Variants in CADM1 observed in about 807,000 individuals in gnomAD.
The protein encoded by CADM1 is TSLC-1.
CADM1 carries 15 observed loss-of-function variants against 53.1 expected under a neutral mutation model. That is an observed-to-expected ratio of 0.28 (90% CI 0.19 to 0.44). The LOEUF is 0.44. Among genes scored for constraint, CADM1 ranks in the 20% least tolerant of loss-of-function variants. CADM1 has a pLI of 1.00. For synonymous variants in CADM1, 281 were observed against 243.0 expected (o/e 1.16, Z -1.45); for missense variants, 434 against 611.3 (o/e 0.71, Z 3.06).
intron 1 of CADM1, among the ~76,000 whole-genome samples, chr11:115,419,150 G>GT (rs776439686): frequency 1.8e-4 from 27 of 152,166 alleles, no homozygotes; most frequent in Non-Finnish European, 1.2e-4. Flanking sequence ...CCACTTAGAA[G>GT]TTTTTATACT....
intron 1 of CADM1, among the ~76,000 whole-genome samples, chr11:115,250,182 C>A (rs1472016014): frequency 6.6e-6 from 1 of 152,208 alleles, no homozygotes; most frequent in Non-Finnish European, 1.5e-5. Flanking sequence ...GGATTACAAG[C>A]ATGAGCCACT....
At chr11:115,216,799 A>AACCAACCCCCTTT (rs1941205568) in intron 6 of CADM1, among the ~76,000 whole-genome samples, 1 of 152,174 alleles carries the variant, frequency 6.6e-6, no homozygotes, top group African/African-American at 2.4e-5. Flanking sequence ...CAGCAGGCAG[A>AACCAACCCCCTTT]GCCCCCTTTG....
chr11:115,252,116 G>A (rs911474969), intron 1 of CADM1, among the ~76,000 whole-genome samples: 2 of 152,156 alleles, frequency 1.3e-5, no homozygotes, highest in Admixed American at 6.5e-5. Context: ...TGAGACCATC[G>A]CACTTGGAAA....
chr11:115,472,278 T>G (rs1455931091), intron 1 of CADM1, among the ~76,000 whole-genome samples: 1 of 152,300 alleles, frequency 6.6e-6, no homozygotes, highest in East Asian at 1.9e-4. Context: ...GGAGGGAAAT[T>G]AAGTTTAACA....
At chr11:115,187,827 T>G (rs1361294219) in intron 10 of CADM1, among the ~76,000 whole-genome samples, 5 of 152,176 alleles carry the variant, frequency 3.3e-5, no homozygotes, top group African/African-American at 1.2e-4. Context: ...TCCTAACACC[T>G]AGATGAGGGT....
intron 1 of CADM1, among the ~76,000 whole-genome samples, chr11:115,244,042 C>A (rs771814289): frequency 2.6e-5 from 4 of 152,152 alleles, no homozygotes; most frequent in Non-Finnish European, 5.9e-5. Context: ...TTTGTATCAG[C>A]AACTATATTC....
Position 115,209,792 on chromosome 11 carries a change from C to T in CADM1, c.995-135G>A. On this transcript the variant is annotated intron_variant, in intron 7 of 11. Coordinates refer to ENST00000331581, the MANE Select transcript of CADM1 (RefSeq NM_001301043.2). ...CCCTTTAAAACCAAAAGTTCTTTCC[C>T]TGCAAGATTTATGTCTTGTAATTAT... The T allele has an allele frequency of 4.8e-6, 5 of 1,033,878 alleles. No individual in the cohort carries two copies. In the South Asian group the frequency reaches 6.2e-5, roughly 13 times the overall value. 64.0% of individuals were successfully genotyped at this position (1,033,878 alleles called of 1,614,324 possible). A position where few individuals can be genotyped will look rare whatever the true frequency, so the allele number is the denominator to read the frequency against.
chr11:115,204,330 C>T (rs1940578002), intron 8 of CADM1, among the ~76,000 whole-genome samples: 1 of 152,206 alleles, frequency 6.6e-6, no homozygotes, highest in Non-Finnish European at 1.5e-5. Flanking sequence ...GCATCTGCGG[C>T]ACCTTCTGCC....
At chr11:115,414,949 T>C (rs1443314787) in intron 1 of CADM1, among the ~76,000 whole-genome samples, 1 of 152,234 alleles carries the variant, frequency 6.6e-6, no homozygotes, top group Non-Finnish European at 1.5e-5. Context: ...TAGGTGACCT[T>C]TTCTAGGCAT....
chr11:115,503,539 C>T (rs1047780796), intron 1 of CADM1, among the ~76,000 whole-genome samples: 2 of 152,022 alleles, frequency 1.3e-5, no homozygotes, highest in Non-Finnish European at 2.9e-5. Context: ...GGCGCCTTCC[C>T]GCAGAGGCGG....
Position 115,340,656 on chromosome 11 carries a change from A to ATTT in CADM1, c.125-100237_125-100236insAAA, listed in dbSNP as rs1365807207. Among the ~76,000 whole-genome samples, 36 of 52,336 alleles carry ATTT rather than the reference A, an allele frequency of 6.9e-4. 1 individual carries two copies. The highest frequency in any genetic ancestry group is 1.6e-3 in the African/African-American group (17 of 10,450). 34.3% of individuals were successfully genotyped at this position (52,336 alleles called of 152,430 possible). On this transcript the variant is annotated intron_variant, in intron 1 of 11. Transcript: ENST00000331581. ...TATATATATATATATATATATATAT[A>ATTT]TATTTTTTTTTTTTTTTTTTTTGAG...
Position 115,355,081 on chromosome 11 carries a change from C to G in CADM1, c.125-114661G>C, listed in dbSNP as rs550463045. The stretch of plus-strand genomic sequence containing the variant: ...AAATTATCACTCTAAAAGCCTTCAG[C>G]ATTTTCAATCCAGAACACAAAGATA... On this transcript the variant is annotated intron_variant, in intron 1 of 11. Transcript: ENST00000331581. Among the ~76,000 whole-genome samples, 11 of 152,290 alleles carry G rather than the reference C, an allele frequency of 7.2e-5. No individual in the cohort carries two copies. In the East Asian group the frequency reaches 2.1e-3, roughly 29 times the overall value.
At chr11:115,406,083 GT>G (rs1947305346) in intron 1 of CADM1, among the ~76,000 whole-genome samples, 2 of 151,978 alleles carry the variant, frequency 1.3e-5, no homozygotes, top group African/African-American at 4.8e-5. Context: ...CTTAACTTTG[GT>G]TTCTTCAGTT....
chr11:115,298,118 G>A (rs1285136086), intron 1 of CADM1, among the ~76,000 whole-genome samples: 1 of 152,188 alleles, frequency 6.6e-6, no homozygotes, highest in Non-Finnish European at 1.5e-5. Context: ...AATTGTTGCC[G>A]TGAATAATCC....
chr11:115,224,320 T>C (rs1186052331), intron 5 of CADM1, among the ~76,000 whole-genome samples: 2 of 152,094 alleles, frequency 1.3e-5, no homozygotes, highest in Non-Finnish European at 2.9e-5. Context: ...CTCTGGACCT[T>C]GGATGAACAG....
chr11:115,370,791 A>C (rs923665297), intron 1 of CADM1, among the ~76,000 whole-genome samples: 1 of 152,202 alleles, frequency 6.6e-6, no homozygotes, highest in African/African-American at 2.4e-5. Context: ...TGATCCCTAT[A>C]TATTGACCTC....
At chr11:115,413,471 C>T (rs1476552543) in intron 1 of CADM1, among the ~76,000 whole-genome samples, 1 of 152,058 alleles carries the variant, frequency 6.6e-6, no homozygotes, top group Non-Finnish European at 1.5e-5. Context: ...GTTCTAGACA[C>T]TTTGTACATT....
chr11:115,223,617 C>T (rs1378913366), intron 5 of CADM1, among the ~76,000 whole-genome samples: 1 of 152,132 alleles, frequency 6.6e-6, no homozygotes, highest in Admixed American at 6.6e-5. Context: ...AAGGCAAAGG[C>T]TTTTCCCTTA....
At position 115,295,568 on chromosome 11, in the gene CADM1, C is replaced by T. The variant is rs1355095383; in HGVS notation, c.125-55148G>A. Among the ~76,000 whole-genome samples the T allele has an allele frequency of 7.0e-4, 87 of 124,652 alleles. 2 individuals are homozygous for T. The highest frequency in any genetic ancestry group is 2.3e-3 in the African/African-American group (79 of 34,998). 81.8% of individuals were successfully genotyped at this position (124,652 alleles called of 152,430 possible). A position where few individuals can be genotyped will look rare whatever the true frequency, so the allele number is the denominator to read the frequency against. ...TATATATAATATATATGTATATGCACATATATAATATACACACATATATAA... is the reference window on the plus strand; with the variant it reads ...TATATATAATATATATGTATATGCATATATATAATATACACACATATATAA... On this transcript the variant is annotated intron_variant, in intron 1 of 11. Transcript: ENST00000331581.
Sources: gnomAD v4.1 joint callset for allele counts (sites outside exome capture counted in the v4.1 genomes callset) on GRCh38, gnomAD v4.1.1 for gene constraint, MANE v1.5 for transcripts, NCBI Gene and HGNC (gene_info 2026-07-23, HGNC 2026-07-21) for gene names.